The following CACNA1E variants were observed in gnomAD, a reference collection of about 807,000 sequenced individuals.
CACNA1E encodes calcium voltage-gated channel subunit alpha1 E.
A neutral mutation model predicts 259.2 loss-of-function variants in CACNA1E; 40 were observed. The observed-to-expected ratio is 0.15, with a 90% CI of 0.12 to 0.20. The LOEUF is 0.20. CACNA1E is among the 10% of genes least tolerant of loss of function. The pLI is 1.00. For synonymous variants in CACNA1E, 1,104 were observed against 1,138.5 expected (o/e 0.97, Z 0.61); for missense variants, 1,874 against 3,040.1 (o/e 0.62, Z 9.02).
chr1:181,746,619 A>G (rs1325957894), intron 25 of CACNA1E, among the ~76,000 whole-genome samples: 1 of 152,194 alleles, frequency 6.6e-6, no homozygotes, highest in Non-Finnish European at 1.5e-5. Context: ...CTATGGGTAG[A>G]TGGAGAAGGT....
At chr1:181,490,055 A>G (rs1391791330) in intron 1 of CACNA1E, among the ~76,000 whole-genome samples, 1 of 152,182 alleles carries the variant, frequency 6.6e-6, no homozygotes, top group African/African-American at 2.4e-5. Flanking sequence ...GTGGTTTCTT[A>G]GTGTTAAGGT....
intron 1 of CACNA1E, among the ~76,000 whole-genome samples, chr1:181,380,473 TATA>T (rs1210646839): frequency 1.3e-5 from 2 of 152,016 alleles, no homozygotes; most frequent in Non-Finnish European, 2.9e-5. Flanking sequence ...AGACAAAAGA[TATA>T]ATAAGAAAAG....
At chr1:181,584,851 TA>T (rs1191298539) in intron 6 of CACNA1E, among the ~76,000 whole-genome samples, 2 of 152,174 alleles carry the variant, frequency 1.3e-5, no homozygotes, top group African/African-American at 4.8e-5. Context: ...ATGATTATCT[TA>T]TGGTGCTAGA....
At chr1:181,392,650 GAGA>G (rs1656381046) in intron 1 of CACNA1E, among the ~76,000 whole-genome samples, 7 of 152,210 alleles carry the variant, frequency 4.6e-5, no homozygotes, top group Admixed American at 4.6e-4. Flanking sequence ...TAAAACAAAG[GAGA>G]AGAAGCTGAG....
At chr1:181,490,684 T>C (rs1024827989) in intron 1 of CACNA1E, among the ~76,000 whole-genome samples, 3 of 152,226 alleles carry the variant, frequency 2.0e-5, no homozygotes, top group African/African-American at 7.2e-5. Flanking sequence ...GCATCGGTTC[T>C]CTTCATCTCT....
At chr1:181,379,297 G>A (rs550740464) in intron 1 of CACNA1E, among the ~76,000 whole-genome samples, 8 of 152,230 alleles carry the variant, frequency 5.3e-5, no homozygotes, top group African/African-American at 1.7e-4. Flanking sequence ...AAAAATATTT[G>A]AAGAAACAAT....
chr1:181,317,704 G>T (rs920110545), exon 1 of CACNA1E: 1 of 140,920 alleles, frequency 7.1e-6, no homozygotes, highest in Non-Finnish European at 1.5e-5. Flanking sequence ...TTGCCGCCTC[G>T]CGCGTGCCGC....
At chr1:181,474,706 T>C (rs887363740) in intron 2 of CACNA1E, among the ~76,000 whole-genome samples, 8 of 152,220 alleles carry the variant, frequency 5.3e-5, no homozygotes, top group African/African-American at 1.9e-4. Flanking sequence ...GACTTTATTA[T>C]CTTATGTTTA....
intron 1 of CACNA1E, among the ~76,000 whole-genome samples, chr1:181,330,318 C>T (rs931692008): frequency 3.3e-5 from 5 of 152,052 alleles, no homozygotes; most frequent in Non-Finnish European, 7.4e-5. Context: ...ATGGCCACCT[C>T]CCCCCAGCCC....
chr1:181,727,907 AG>A (rs1280959090), intron 18 of CACNA1E, among the ~76,000 whole-genome samples: 1 of 152,088 alleles, frequency 6.6e-6, no homozygotes, highest in Non-Finnish European at 1.5e-5. Flanking sequence ...GGGGTGTGCC[AG>A]GGTTGTGTGT....
chr1:181,618,264 G>A (rs181876039), intron 6 of CACNA1E, among the ~76,000 whole-genome samples: 19 of 152,272 alleles, frequency 1.2e-4, no homozygotes, highest in African/African-American at 4.3e-4. Flanking sequence ...TGGTAGAGGG[G>A]ACTTCAAGAG....
intron 25 of CACNA1E, 90 bp downstream of exon 25, chr1:181,739,343 G>A (rs1656346051): frequency 3.4e-6 from 3 of 879,666 alleles, no homozygotes; most frequent in Admixed American, 3.8e-5. Flanking sequence ...AATGCAACAT[G>A]CAGGGTGATG....
intron 5 of CACNA1E, among the ~76,000 whole-genome samples, chr1:181,579,972 G>T (rs1277679293): frequency 6.6e-6 from 1 of 152,292 alleles, no homozygotes; most frequent in East Asian, 1.9e-4. Context: ...TCATATCTTT[G>T]TATTTCATTT....
At chr1:181,443,383 T>C (rs1363632525) in intron 2 of CACNA1E, among the ~76,000 whole-genome samples, 1 of 152,246 alleles carries the variant, frequency 6.6e-6, no homozygotes, top group Admixed American at 6.5e-5. Flanking sequence ...TCATGGTTTC[T>C]TTGTCTCTTC....
intron 6 of CACNA1E, among the ~76,000 whole-genome samples, chr1:181,630,617 C>T (rs1433036835): frequency 6.6e-6 from 1 of 152,098 alleles, no homozygotes; most frequent in African/African-American, 2.4e-5. Flanking sequence ...TCTCTTCTTA[C>T]TGAACACCAC....
intron 2 of CACNA1E, among the ~76,000 whole-genome samples, chr1:181,422,347 G>A (rs1658811179): frequency 6.6e-6 from 1 of 152,164 alleles, no homozygotes; most frequent in South Asian, 2.1e-4. Context: ...ATTTATGAAT[G>A]TTCCGTAACA....
chr1:181,492,994 G>A (rs1383115439), intron 1 of CACNA1E, among the ~76,000 whole-genome samples: 2 of 152,138 alleles, frequency 1.3e-5, no homozygotes, highest in East Asian at 3.9e-4. Context: ...TAAGTGTCTA[G>A]ATGGCATCTA....
intron 1 of CACNA1E, among the ~76,000 whole-genome samples, chr1:181,504,490 G>A (rs1665540702): frequency 6.6e-6 from 1 of 152,222 alleles, no homozygotes; most frequent in South Asian, 2.1e-4. Context: ...TGGTGATAGA[G>A]ATGCATGTTT....
At chr1:181,720,416 A>C in intron 14 of CACNA1E, 79 bp downstream of exon 14, 9 of 1,460,344 alleles carry the variant, frequency 6.2e-6, no homozygotes, top group Non-Finnish European at 7.5e-6. Flanking sequence ...TCATTAACTC[A>C]ATCACCATGT....
Sources: gnomAD v4.1 joint callset for allele counts (sites outside exome capture counted in the v4.1 genomes callset) on GRCh38, gnomAD v4.1.1 for gene constraint, MANE v1.5 for transcripts, NCBI Gene and HGNC (gene_info 2026-07-23, HGNC 2026-07-21) for gene names.